The following LINGO2 variants were observed in gnomAD, a reference collection of about 807,000 sequenced individuals.
LINGO2 encodes the protein leucine rich repeat and Ig domain containing 2, also known as leucine-rich repeat and immunoglobulin-like domain-containing nogo receptor-interacting protein 2.
In LINGO2, 14 loss-of-function variants were observed where a neutral mutation model predicts 30.6. That is an observed-to-expected ratio of 0.46 (90% confidence interval 0.30 to 0.72). The LOEUF is 0.72. Among genes scored for constraint, LINGO2 ranks in the 30% least tolerant of loss-of-function variants. The pLI, the probability that LINGO2 is intolerant of heterozygous loss-of-function variation, is 0.07. For synonymous variants in LINGO2, 317 were observed against 288.5 expected (o/e 1.10, Z -1.00); for missense variants, 729 against 751.7 (o/e 0.97, Z 0.35).
chr9:28,660,617 T>G (rs887913379), intron 1 of LINGO2, among the ~76,000 whole-genome samples: 12 of 149,606 alleles, frequency 8.0e-5, no homozygotes, highest in Admixed American at 8.0e-4. Context: ...AAAGAAAAGT[T>G]ATCTCTGAGA....
At chr9:29,085,296 A>T in the LINGO2 span, among the ~76,000 whole-genome samples, 2 of 86,830 alleles carry the variant, frequency 2.3e-5, no homozygotes, top group African/African-American at 8.8e-5. Context: ...AAAAAAAAAA[A>T]AAAAAAAAAA....
the LINGO2 span, among the ~76,000 whole-genome samples, chr9:29,084,516 T>C: frequency 6.6e-6 from 1 of 152,048 alleles, no homozygotes; most frequent in Non-Finnish European, 1.5e-5. Flanking sequence ...ATAAAGTCAT[T>C]AGGACAGGTT....
At chr9:28,806,517 A>G in the LINGO2 span, among the ~76,000 whole-genome samples, 4 of 152,278 alleles carry the variant, frequency 2.6e-5, no homozygotes, top group African/African-American at 4.8e-5. Flanking sequence ...TGGGAATGCA[A>G]TTCGTTATTG....
chr9:28,088,933 G>C lies in LINGO2; in HGVS notation c.-86-76528C>G, dbSNP rs557838759. Among the ~76,000 whole-genome samples the C allele has an allele frequency of 4.6e-5, 7 of 152,228 alleles. No homozygotes were observed. The East Asian group carries it at 1.4e-3, about 29-fold the overall frequency. ...TCCAATCCTAGTCTCTGATAAAACA[G>C]ACTTTAAACCAACAAAGATCAAAAG... On this transcript the variant is annotated intron_variant, in intron 4 of 5. Coordinates refer to ENST00000379992, the Ensembl canonical transcript of LINGO2.
At chr9:29,017,607 T>C in the LINGO2 span, among the ~76,000 whole-genome samples, 1 of 152,034 alleles carries the variant, frequency 6.6e-6, no homozygotes, top group African/African-American at 2.4e-5. Context: ...GCCAATCATT[T>C]AAGAAACCAC....
intron 3 of LINGO2, among the ~76,000 whole-genome samples, chr9:28,327,223 G>C (rs1166986824): frequency 6.6e-6 from 1 of 152,106 alleles, no homozygotes; most frequent in African/African-American, 2.4e-5. Flanking sequence ...AGAACTGTGA[G>C]CAATAAATTA....
At chr9:28,418,625 G>A (rs1478320390) in intron 2 of LINGO2, among the ~76,000 whole-genome samples, 1 of 151,982 alleles carries the variant, frequency 6.6e-6, no homozygotes, top group Admixed American at 6.6e-5. Context: ...TTTCTCATCT[G>A]TAAAATGGAT....
At chr9:28,963,336 T>C in the LINGO2 span, among the ~76,000 whole-genome samples, 1 of 151,978 alleles carries the variant, frequency 6.6e-6, no homozygotes, top group Non-Finnish European at 1.5e-5. Context: ...TCAAGACTAG[T>C]ACATTGAAGA....
intron 4 of LINGO2, among the ~76,000 whole-genome samples, chr9:28,203,582 A>G (rs183490302): frequency 1.6e-4 from 24 of 152,334 alleles, no homozygotes; most frequent in African/African-American, 5.3e-4. Context: ...AACTCATCAA[A>G]GGTTTCCATA....
the LINGO2 span, among the ~76,000 whole-genome samples, chr9:29,130,657 C>A: frequency 6.6e-6 from 1 of 152,040 alleles, no homozygotes; most frequent in African/African-American, 2.4e-5. Context: ...ATCTAGCTAA[C>A]CTGGAACAAT....
intron 1 of LINGO2, among the ~76,000 whole-genome samples, chr9:28,481,571 C>A (rs1825964340): frequency 6.6e-6 from 1 of 152,166 alleles, no homozygotes; most frequent in African/African-American, 2.4e-5. Context: ...TTACTTTCAA[C>A]TGGAAATGCT....
intron 4 of LINGO2, among the ~76,000 whole-genome samples, chr9:28,258,568 C>A (rs537777443): frequency 6.6e-6 from 1 of 152,044 alleles, no homozygotes; most frequent in Non-Finnish European, 1.5e-5. Flanking sequence ...TCAACTTGGG[C>A]TTCTTATGTA....
At chr9:28,503,013 T>G (rs1364995481) in intron 1 of LINGO2, among the ~76,000 whole-genome samples, 1 of 152,054 alleles carries the variant, frequency 6.6e-6, no homozygotes, top group Admixed American at 6.6e-5. Context: ...AGAGGCAAAA[T>G]GTTAGTGTTT....
intron 4 of LINGO2, among the ~76,000 whole-genome samples, chr9:28,138,759 A>T (rs905598958): frequency 6.6e-6 from 1 of 152,192 alleles, no homozygotes; most frequent in Non-Finnish European, 1.5e-5. Context: ...CTCCTAAAGA[A>T]TTTACATAGA....
At chr9:28,379,694 T>C (rs4142448) in intron 2 of LINGO2, among the ~76,000 whole-genome samples, 145,662 of 152,144 alleles carry the variant, frequency 0.96, 69,906 homozygotes, top group Non-Finnish European at 0.99. Flanking sequence ...TAGAGGAAGG[T>C]AGGAAATGAA....
At chr9:29,012,939 A>C in the LINGO2 span, among the ~76,000 whole-genome samples, 1 of 152,200 alleles carries the variant, frequency 6.6e-6, no homozygotes, top group Admixed American at 6.5e-5. Flanking sequence ...TAAGTCCTAG[A>C]TAAAATCTCC....
chr9:27,988,654 T>C (rs1821244045), intron 5 of LINGO2, among the ~76,000 whole-genome samples: 1 of 152,044 alleles, frequency 6.6e-6, no homozygotes, highest in Admixed American at 6.6e-5. Flanking sequence ...TTTTGAGTAG[T>C]GTCTGTTCAT....
chr9:28,674,905 A>G (rs1401347432), upstream of LINGO2, among the ~76,000 whole-genome samples: 1 of 151,542 alleles, frequency 6.6e-6, no homozygotes, highest in African/African-American at 2.4e-5. Flanking sequence ...TATTTTGGAG[A>G]GTGTAGAATG....
chr9:28,006,481 T>TA (rs1187978428), intron 5 of LINGO2, among the ~76,000 whole-genome samples: 1 of 152,102 alleles, frequency 6.6e-6, no homozygotes, highest in Admixed American at 6.6e-5. Flanking sequence ...TATAACTGTA[T>TA]AAAATGCCTT....
Sources: gnomAD v4.1 joint callset for allele counts (sites outside exome capture counted in the v4.1 genomes callset) on GRCh38, gnomAD v4.1.1 for gene constraint, MANE v1.5 for transcripts, NCBI Gene and HGNC (gene_info 2026-07-23, HGNC 2026-07-21) for gene names.